PRP4K: variants seen among roughly 807,000 people sequenced by gnomAD.
PRP4K encodes the protein pre-mRNA processing factor kinase PRP4K, also known as serine/threonine-protein kinase PRP4 homolog.
chr6:4,034,201 A>G, the PRP4K span, among the ~76,000 whole-genome samples: 2 of 151,914 alleles, frequency 1.3e-5, no homozygotes, highest in African/African-American at 4.8e-5. Context: ...TCATATTCAC[A>G]TGTGGCTTGC....
the PRP4K span, chr6:4,056,830 C>A: frequency 2.0e-5 from 23 of 1,147,702 alleles, no homozygotes; most frequent in Non-Finnish European, 2.6e-5. Context: ...AGTTCCTCCC[C>A]TACACCTCCA....
the PRP4K span, among the ~76,000 whole-genome samples, chr6:4,027,275 A>AT: frequency 6.6e-6 from 1 of 152,156 alleles, no homozygotes; most frequent in African/African-American, 2.4e-5. Flanking sequence ...ATGGAGAGAC[A>AT]TTTCTTGAAC....
chr6:4,052,109 C>T, the PRP4K span: 45 of 1,543,422 alleles, frequency 2.9e-5, no homozygotes, highest in Non-Finnish European at 3.6e-5. Flanking sequence ...AATGTCAAAA[C>T]GTGTGCATTA....
chr6:4,031,826 A>T, the PRP4K span: 1 of 1,614,072 alleles, frequency 6.2e-7, no homozygotes. Context: ...TTGATGATTT[A>T]GCTTTGCTAG....
At chr6:4,044,286 A>C in the PRP4K span, 17 of 376,060 alleles carry the variant, frequency 4.5e-5, no homozygotes, top group South Asian at 7.0e-4. Flanking sequence ...TTTAAAGCAA[A>C]TCCAATTATG....
At chr6:4,040,712 C>G in the PRP4K span, 1 of 1,529,484 alleles carries the variant, frequency 6.5e-7, no homozygotes, top group Non-Finnish European at 9.0e-7. Context: ...CCCACACATG[C>G]ATGCCTTTCC....
chr6:4,051,196 C>T, the PRP4K span, among the ~76,000 whole-genome samples: 7 of 151,162 alleles, frequency 4.6e-5, no homozygotes, highest in African/African-American at 1.5e-4. Flanking sequence ...AGGCATGAGC[C>T]ACTGCACCTG....
chr6:4,041,758 A>G, the PRP4K span, among the ~76,000 whole-genome samples: 1 of 152,208 alleles, frequency 6.6e-6, no homozygotes, highest in African/African-American at 2.4e-5. Flanking sequence ...ACACACACAA[A>G]AAGAACTATC....
chr6:4,021,405 C>G, the PRP4K span: 4 of 1,575,030 alleles, frequency 2.5e-6, no homozygotes, highest in Non-Finnish European at 2.6e-6. Context: ...CCACCGCCGC[C>G]GAGGAGTCAG....
the PRP4K span, among the ~76,000 whole-genome samples, chr6:4,029,595 C>T: frequency 1.3e-5 from 2 of 152,088 alleles, no homozygotes; most frequent in Non-Finnish European, 2.9e-5. Context: ...TCAAGTGATC[C>T]TCCTGCCTTG....
the PRP4K span, among the ~76,000 whole-genome samples, chr6:4,042,222 G>A: frequency 6.6e-6 from 1 of 152,122 alleles, no homozygotes; most frequent in African/African-American, 2.4e-5. Flanking sequence ...AAAAACTAGT[G>A]GCAACTTTTG....
At chr6:4,036,674 G>T in the PRP4K span, among the ~76,000 whole-genome samples, 1 of 151,978 alleles carries the variant, frequency 6.6e-6, no homozygotes, top group Admixed American at 6.6e-5. Context: ...ATTGTGCCTG[G>T]CCTATTATAC....
chr6:4,032,669 G>A, the PRP4K span: 1 of 1,613,688 alleles, frequency 6.2e-7, no homozygotes, highest in Non-Finnish European at 8.5e-7. Flanking sequence ...CCCCCTCGCG[G>A]ACACTGTCTC....
At chr6:4,032,089 G>A in the PRP4K span, 8 of 1,613,666 alleles carry the variant, frequency 5.0e-6, no homozygotes, top group East Asian at 2.2e-5. Context: ...TCCAAAGAAC[G>A]GACTAGACAT....
chr6:4,064,138 TC>T, the PRP4K span: 1 of 152,522 alleles, frequency 6.6e-6, no homozygotes, highest in African/African-American at 2.4e-5. Context: ...CATCCTGTTT[TC>T]TTCATTCCCT....
the PRP4K span, chr6:4,058,773 C>T: frequency 6.2e-7 from 1 of 1,613,046 alleles, no homozygotes; most frequent in Non-Finnish European, 8.5e-7. Flanking sequence ...TGATCAAAAT[C>T]TCAACTTCAT....
chr6:4,058,600 G>T, the PRP4K span: 1,840 of 718,638 alleles, frequency 2.6e-3, 24 homozygotes, highest in African/African-American at 0.03. Flanking sequence ...GGGATCAAGG[G>T]AATCTGAGAT....
chr6:4,032,502 C>T, the PRP4K span: 1 of 1,614,074 alleles, frequency 6.2e-7, no homozygotes, highest in Non-Finnish European at 8.5e-7. Flanking sequence ...AATTAAATCT[C>T]CCTCTAAAGA....
At chr6:4,061,829 C>T in the PRP4K span, 1 of 152,564 alleles carries the variant, frequency 6.6e-6, no homozygotes. Context: ...TGTTCTACTG[C>T]ATGTGAAGTG....
Sources: gnomAD v4.1 joint callset for allele counts (sites outside exome capture counted in the v4.1 genomes callset) on GRCh38, gnomAD v4.1.1 for gene constraint, MANE v1.5 for transcripts, NCBI Gene and HGNC (gene_info 2026-07-23, HGNC 2026-07-21) for gene names.